GFRA1: variants seen among roughly 807,000 people sequenced by gnomAD.
GFRA1 encodes the protein GDNF family receptor alpha-1.
GFRA1 carries 16 observed loss-of-function variants against 51.6 expected under a neutral mutation model. That is an observed-to-expected ratio of 0.31 (90% CI 0.21 to 0.47). The LOEUF (loss-of-function observed/expected upper bound fraction) is 0.47. Ranked by LOEUF, GFRA1 falls within the 20% of genes least tolerant of loss-of-function variation. The pLI is 1.00. For synonymous variants in GFRA1, 270 were observed against 241.3 expected, an observed-to-expected ratio of 1.12 and a Z score of -1.10; for missense variants, 530 against 594.3, an observed-to-expected ratio of 0.89 and a Z score of 1.13.
intron 10 of GFRA1, among the ~76,000 whole-genome samples, chr10:116,065,088 G>A (rs1032402129): frequency 6.6e-6 from 1 of 152,244 alleles, no homozygotes. Context: ...ACCAGCACCT[G>A]CTTAATCCCA....
intron 6 of GFRA1, among the ~76,000 whole-genome samples, chr10:116,115,877 C>A (rs1957392932): frequency 6.6e-6 from 1 of 152,090 alleles, no homozygotes; most frequent in Admixed American, 6.5e-5. Context: ...GTGGACAGAG[C>A]AGAAGGGTTC....
At chr10:116,198,867 C>T (rs922725721) in intron 5 of GFRA1, among the ~76,000 whole-genome samples, 6 of 152,034 alleles carry the variant, frequency 3.9e-5, no homozygotes, top group South Asian at 2.1e-4. Context: ...GGGTTTTTGC[C>T]GAGGTAATTA....
intron 5 of GFRA1, among the ~76,000 whole-genome samples, chr10:116,132,197 G>A (rs756895148): frequency 7.9e-5 from 12 of 152,086 alleles, no homozygotes; most frequent in Non-Finnish European, 1.3e-4. Context: ...TGACAAGAGC[G>A]AAAGTGTGTC....
intron 4 of GFRA1, among the ~76,000 whole-genome samples, chr10:116,230,628 T>C (rs1348447563): frequency 6.6e-6 from 1 of 152,060 alleles, no homozygotes; most frequent in Non-Finnish European, 1.5e-5. Context: ...ACTCTGAAAG[T>C]ATTTATTGAG....
intron 6 of GFRA1, among the ~76,000 whole-genome samples, chr10:116,109,899 C>T (rs939916356): frequency 1.1e-4 from 16 of 152,136 alleles, no homozygotes; most frequent in African/African-American, 3.1e-4. Context: ...TCAGTCTCCC[C>T]CTGTATAAAA....
Position 116,058,599 on chromosome 10 carries a change from A to G in GFRA1, c.*5799T>C, listed in dbSNP as rs1434975392. On this transcript the variant is annotated 3_prime_UTR_variant, in exon 11 of 11. Coordinates refer to ENST00000355422, the MANE Select transcript of GFRA1 (RefSeq NM_005264.8). Reference sequence around the variant, plus strand: ...TGGGAGACTGAGTCTCAGTTTCATGAATGATTTGTAAAGAGAATACAGCGT... The same window carrying G: ...TGGGAGACTGAGTCTCAGTTTCATGGATGATTTGTAAAGAGAATACAGCGT... The G allele has an allele frequency of 6.6e-6, 1 of 152,184 alleles. No individual in the cohort carries two copies. The highest frequency in any genetic ancestry group is 1.9e-4 in the East Asian group (1 of 5,190). 9.4% of individuals were successfully genotyped at this position (152,184 alleles called of 1,614,324 possible). A position where few individuals can be genotyped will look rare whatever the true frequency, so the allele number is the denominator to read the frequency against.
In GFRA1 at chr10:116,124,973, T is replaced by A. The variant is rs111428341; in HGVS notation, c.770+248A>T. ...GGAAAGGCAGTGGTATTTTACCTCA[T>A]TCCAGCATCCCTCAAAGCATTCTCA... On this transcript the variant is annotated intron_variant, in intron 6 of 10. Transcript: ENST00000355422. Among the ~76,000 whole-genome samples, 745 of 152,270 alleles carry A rather than the reference T, an allele frequency of 4.9e-3. 7 individuals are homozygous for A. Among genetic ancestry groups the A allele is most frequent in the African/African-American group, 0.017 (702 of 41,566 alleles).
intron 4 of GFRA1, among the ~76,000 whole-genome samples, chr10:116,244,654 A>G (rs1278333332): frequency 6.6e-6 from 1 of 151,940 alleles, no homozygotes; most frequent in African/African-American, 2.4e-5. Flanking sequence ...AGACCTGAAC[A>G]CCTGACCCCA....
chr10:116,105,550 G>A (rs1210878162), intron 6 of GFRA1, among the ~76,000 whole-genome samples: 1 of 152,188 alleles, frequency 6.6e-6, no homozygotes, highest in African/African-American at 2.4e-5. Context: ...CGCACACCCT[G>A]TCTTCAGAAG....
Position 116,197,883 on chromosome 10 carries a change from G to C in GFRA1, c.433+13748C>G, listed in dbSNP as rs531358206. ...GAGGCATGCGTGGGCTTGGACAACAGGTCCCAGGGACCAGATGGAGGCCCG... is the reference window on the plus strand; with the variant it reads ...GAGGCATGCGTGGGCTTGGACAACACGTCCCAGGGACCAGATGGAGGCCCG... On this transcript the variant is annotated intron_variant, in intron 5 of 10. Transcript: ENST00000355422. 2.0e-5 allele frequency among the ~76,000 whole-genome samples: 3 copies of C among 152,326 alleles called. No individual in the cohort carries two copies. In the South Asian group the frequency reaches 6.2e-4, roughly 32 times the overall value.
intron 4 of GFRA1, among the ~76,000 whole-genome samples, chr10:116,267,122 C>T (rs556734087): frequency 6.6e-6 from 1 of 151,666 alleles, no homozygotes; most frequent in Non-Finnish European, 1.5e-5. Context: ...GCCTAGGCGA[C>T]AGATCAAGAC....
chr10:116,094,919 G>C (rs1589783284), intron 7 of GFRA1, among the ~76,000 whole-genome samples: 1 of 152,160 alleles, frequency 6.6e-6, no homozygotes, highest in African/African-American at 2.4e-5. Flanking sequence ...GCCACGGTGG[G>C]CCCCTGGCAT....
chr10:116,106,992 G>T (rs995934762), intron 6 of GFRA1, among the ~76,000 whole-genome samples: 1 of 152,150 alleles, frequency 6.6e-6, no homozygotes, highest in Admixed American at 6.5e-5. Flanking sequence ...TGATTATAAG[G>T]TTCCTGAGGC....
intron 8 of GFRA1, among the ~76,000 whole-genome samples, chr10:116,092,571 G>T (rs1434284315): frequency 6.6e-6 from 1 of 152,080 alleles, no homozygotes; most frequent in Non-Finnish European, 1.5e-5. Flanking sequence ...AGACTGACAT[G>T]GTTCCTGAAG....
chr10:116,133,529 T>TC (rs1008727818), intron 5 of GFRA1, among the ~76,000 whole-genome samples: 24 of 152,172 alleles, frequency 1.6e-4, no homozygotes, highest in African/African-American at 5.8e-4. Context: ...AAGTCAGCTT[T>TC]CCCCCCATGG....
chr10:116,105,477 T>C (rs1047417385), intron 6 of GFRA1, among the ~76,000 whole-genome samples: 1 of 152,204 alleles, frequency 6.6e-6, no homozygotes, highest in Non-Finnish European at 1.5e-5. Context: ...AGAGGCTCCA[T>C]GTCAACTGCT....
At chr10:116,098,797 A>T (rs951193375) in intron 6 of GFRA1, among the ~76,000 whole-genome samples, 1 of 152,232 alleles carries the variant, frequency 6.6e-6, no homozygotes, top group African/African-American at 2.4e-5. Context: ...TTTGCTTAAC[A>T]ACCTCGGAAT....
rs1480796432 is a variant in GFRA1, at chr10:116,060,099, G to A, written c.*4299C>T. The A allele has an allele frequency of 1.3e-5, 2 of 151,950 alleles. No homozygotes were observed. Among genetic ancestry groups the A allele is most frequent in the Non-Finnish European group, 2.9e-5 (2 of 68,002 alleles). 9.4% of individuals were successfully genotyped at this position (151,950 alleles called of 1,614,324 possible). On this transcript the variant is annotated 3_prime_UTR_variant, in exon 11 of 11. Coordinates refer to ENST00000355422, the MANE Select transcript of GFRA1 (RefSeq NM_005264.8). ...AATACATCCCAGGACGGAGGGAGTG[G>A]AAAAAAACACAGATTTAAAGCCTCT...
intron 6 of GFRA1, among the ~76,000 whole-genome samples, chr10:116,113,007 A>G (rs1957272236): frequency 6.6e-6 from 1 of 152,158 alleles, no homozygotes; most frequent in Non-Finnish European, 1.5e-5. Context: ...GCAGTTCTCA[A>G]AGCGAGGTCT....
Sources: allele counts gnomAD v4.1 joint callset (sites outside exome capture counted in the v4.1 genomes callset), GRCh38; gene constraint gnomAD v4.1.1; transcripts MANE v1.5; gene names NCBI Gene and HGNC (gene_info 2026-07-23, HGNC 2026-07-21).